Variants in DYM observed in about 807,000 individuals in gnomAD.
DYM encodes the protein dymeclin.
Under a neutral mutation model 93.1 loss-of-function variants are expected in DYM, and 78 were observed. That is an observed-to-expected ratio of 0.84 (90% CI 0.70 to 1.01). The LOEUF is 1.01. Ranked by LOEUF, DYM falls within the 50% of genes least tolerant of loss-of-function variation. The pLI is 0.00. For synonymous variants in DYM, 321 were observed against 319.7 expected, an observed-to-expected ratio of 1.00 and a Z score of -0.04; for missense variants, 789 against 845.0, an observed-to-expected ratio of 0.93 and a Z score of 0.82.
At chr18:49,281,576 G>A (rs1194907435) in intron 10 of DYM, among the ~76,000 whole-genome samples, 1 of 152,174 alleles carries the variant, frequency 6.6e-6, no homozygotes, top group Non-Finnish European at 1.5e-5. Context: ...ATGATAGACT[G>A]GATTAAGAAA....
chr18:49,166,371 G>T (rs553629871), intron 14 of DYM, among the ~76,000 whole-genome samples: 2 of 152,022 alleles, frequency 1.3e-5, no homozygotes, highest in African/African-American at 2.4e-5. Context: ...TGGATATACC[G>T]TAATTTATTT....
intron 8 of DYM, among the ~76,000 whole-genome samples, chr18:49,308,748 A>G (rs1370426871): frequency 2.0e-5 from 3 of 151,930 alleles, no homozygotes; most frequent in East Asian, 1.9e-4. Flanking sequence ...CAGGGGAACC[A>G]TTTTTCTTTT....
intron 11 of DYM, among the ~76,000 whole-genome samples, chr18:49,269,101 CA>C (rs1457896529): frequency 6.6e-6 from 1 of 152,040 alleles, no homozygotes; most frequent in Non-Finnish European, 1.5e-5. Flanking sequence ...TCACACAACT[CA>C]ATAACAGAAA....
chr18:49,202,766 C>T (rs1484152687), intron 14 of DYM, among the ~76,000 whole-genome samples: 1 of 38,820 alleles, frequency 2.6e-5, no homozygotes, highest in Non-Finnish European at 5.2e-5. Context: ...GCAACCACCC[C>T]GTCTGAGAAG....
intron 14 of DYM, among the ~76,000 whole-genome samples, chr18:49,189,473 T>C (rs971244010): frequency 2.0e-5 from 3 of 151,810 alleles, no homozygotes; most frequent in Non-Finnish European, 4.4e-5. Flanking sequence ...ATCTCCAGAG[T>C]AGTTAAAAAA....
intron 5 of DYM, among the ~76,000 whole-genome samples, chr18:49,367,152 A>G (rs146389228): frequency 1.3e-5 from 2 of 152,352 alleles, no homozygotes; most frequent in East Asian, 3.9e-4. Context: ...CACACTATGT[A>G]TTCATCAACA....
intron 13 of DYM, among the ~76,000 whole-genome samples, chr18:49,243,093 C>A (rs1301147152): frequency 6.6e-6 from 1 of 152,134 alleles, no homozygotes; most frequent in Admixed American, 6.5e-5. Flanking sequence ...AAAGAGGAGA[C>A]CTGCTCCTCT....
chr18:49,365,729 C>G (rs951638992), intron 5 of DYM, among the ~76,000 whole-genome samples: 4 of 152,186 alleles, frequency 2.6e-5, no homozygotes, highest in Admixed American at 2.0e-4. Flanking sequence ...GCCAAGCAGC[C>G]AGCACAGTTT....
At chr18:49,162,203 T>A (rs1458649970) in intron 15 of DYM, among the ~76,000 whole-genome samples, 2 of 152,222 alleles carry the variant, frequency 1.3e-5, no homozygotes, top group African/African-American at 4.8e-5. Flanking sequence ...TTCTATTCCA[T>A]CAGCATCCTC....
chr18:49,367,252 C>T (rs1361469733), intron 5 of DYM, among the ~76,000 whole-genome samples: 1 of 152,186 alleles, frequency 6.6e-6, no homozygotes, highest in Non-Finnish European at 1.5e-5. Flanking sequence ...CCGTATTGTG[C>T]AGAACAAGGT....
intron 2 of DYM, among the ~76,000 whole-genome samples, chr18:49,420,181 T>A (rs1264435264): frequency 1.3e-5 from 2 of 150,220 alleles, no homozygotes; most frequent in Non-Finnish European, 3.0e-5. Flanking sequence ...TTTTTTTTTT[T>A]TTTGAGATGG....
Position 49,199,437 on chromosome 18 carries a change from G to C in DYM, c.1625+10114C>G, listed in dbSNP as rs547317919. Among the ~76,000 whole-genome samples, 5 of 152,208 alleles carry C rather than the reference G, an allele frequency of 3.3e-5. No homozygotes were observed. The South Asian group carries it at 1.0e-3, about 32-fold the overall frequency. ...CAACTTTTCTGATCTGAATTTACTT[G>C]TCCTATTTTGACTTATACTGCACTG... is the stretch of plus-strand genomic sequence containing the variant. On this transcript the variant is annotated intron_variant, in intron 14 of 17. Coordinates refer to ENST00000675505, the MANE Select transcript of DYM (RefSeq NM_001353214.3).
rs1370450458 is a variant in DYM at position 49,429,408 on chromosome 18, T to C, written c.140+847A>G. Among the ~76,000 whole-genome samples, 4 of 152,310 alleles carry C rather than the reference T, an allele frequency of 2.6e-5. No individual in the cohort carries two copies. In the East Asian group the frequency reaches 5.8e-4, roughly 22 times the overall value. ...CATAATAAAGCTCTTAAAAAGTAAATAAAAAATTTTTAAATCTAGTTATTG... is the reference window on the plus strand; with the variant it reads ...CATAATAAAGCTCTTAAAAAGTAAACAAAAAATTTTTAAATCTAGTTATTG... On this transcript the variant is annotated intron_variant, in intron 2 of 17. Coordinates refer to ENST00000675505, the MANE Select transcript of DYM (RefSeq NM_001353214.3).
At chr18:49,102,807 G>C (rs1479806508) in intron 16 of DYM, among the ~76,000 whole-genome samples, 1 of 152,120 alleles carries the variant, frequency 6.6e-6, no homozygotes, top group Non-Finnish European at 1.5e-5. Context: ...TCTTAATCCA[G>C]TCTATCATTG....
intron 6 of DYM, among the ~76,000 whole-genome samples, chr18:49,359,072 A>G (rs528651007): frequency 2.6e-5 from 4 of 152,276 alleles, no homozygotes; most frequent in African/African-American, 9.6e-5. Flanking sequence ...CAGTGTCACA[A>G]ATTCCGAGCG....
At position 49,331,908 on chromosome 18, in the gene DYM, G is replaced by T. The variant is rs767767037; in HGVS notation, c.719C>A (p.Ser240Ter). Reference sequence around the variant, plus strand: ...TCCATAAAGCAGTCCTCCCCCATCCGACTGCTGAGGGAAAACATGGGCCCC... The same window carrying T: ...TCCATAAAGCAGTCCTCCCCCATCCTACTGCTGAGGGAAAACATGGGCCCC... The part of the protein sequence containing the change: ...PPGAHVFPQQ[S>*]DGGGLLYGLA... The change falls in exon 8 of 18, where the codon TCG (serine) becomes TAG (stop). Residue 240 changes from serine (S) to a stop codon, truncating the protein, a stop_gained. Coordinates refer to ENST00000675505, the MANE Select transcript of DYM (RefSeq NM_001353214.3). LOFTEE classifies it high-confidence loss of function. The T allele has an allele frequency of 6.2e-7, 1 of 1,613,982 alleles. No homozygotes were observed. The highest frequency in any genetic ancestry group is 8.5e-7 in the Non-Finnish European group (1 of 1,179,990).
At chr18:49,183,272 T>C (rs1234107511) in intron 14 of DYM, among the ~76,000 whole-genome samples, 2 of 152,220 alleles carry the variant, frequency 1.3e-5, no homozygotes, top group African/African-American at 4.8e-5. Context: ...GATAGTCTTT[T>C]AAAACTTATC....
At chr18:49,276,095 T>C (rs941149160) in intron 10 of DYM, among the ~76,000 whole-genome samples, 22 of 152,198 alleles carry the variant, frequency 1.4e-4, no homozygotes, top group African/African-American at 5.3e-4. Flanking sequence ...GGCTAGAATC[T>C]CCAGTAAAAT....
At position 49,040,403 on chromosome 18, in the gene DYM, C is replaced by G; in HGVS notation, c.*3652G>C. On this transcript the variant is annotated 3_prime_UTR_variant, in exon 18 of 18. Coordinates refer to ENST00000675505, the MANE Select transcript of DYM (RefSeq NM_001353214.3). ...GAGTCTCCCTTGCTTTGAGTGGGAACTCTGAATAGCTATACGCTAATGAGA... is the reference window on the plus strand; with the variant it reads ...GAGTCTCCCTTGCTTTGAGTGGGAAGTCTGAATAGCTATACGCTAATGAGA... Among the ~76,000 whole-genome samples the G allele has an allele frequency of 6.6e-6, 1 of 152,138 alleles. No individual in the cohort carries two copies. The highest frequency in any genetic ancestry group is 1.9e-4 in the East Asian group (1 of 5,190).
Sources: allele counts gnomAD v4.1 joint callset (sites outside exome capture counted in the v4.1 genomes callset), GRCh38; gene constraint gnomAD v4.1.1; transcripts MANE v1.5; gene names NCBI Gene and HGNC (gene_info 2026-07-23, HGNC 2026-07-21).